Variants in NEK10 observed in about 807,000 individuals in gnomAD.
NEK10 encodes the protein serine/threonine-protein kinase Nek10.
NEK10 carries 122 observed loss-of-function variants against 159.8 expected under a neutral mutation model. That is an observed-to-expected ratio of 0.76 (90% CI 0.66 to 0.89). The LOEUF is 0.89. Ranked by LOEUF, NEK10 falls within the 40% of genes least tolerant of loss-of-function variation. The pLI is 0.00. For missense variants in NEK10, 1,342 were observed against 1,323.1 expected, an observed-to-expected ratio of 1.01 and a Z score of -0.22; for synonymous variants, 466 against 457.1, an observed-to-expected ratio of 1.02 and a Z score of -0.25.
At chr3:27,151,101 T>C (rs1307920185) in intron 30 of NEK10, among the ~76,000 whole-genome samples, 1 of 151,896 alleles carries the variant, frequency 6.6e-6, no homozygotes, top group African/African-American at 2.4e-5. Context: ...GGACGTATAA[T>C]CTTGGGAGTT....
At chr3:27,259,870 T>C (rs529761086) in intron 22 of NEK10, among the ~76,000 whole-genome samples, 122 of 152,304 alleles carry the variant, frequency 8.0e-4, no homozygotes, top group Non-Finnish European at 1.6e-3. Context: ...GTTCTTCCAT[T>C]TGTTTGTATC....
intron 5 of NEK10, among the ~76,000 whole-genome samples, chr3:27,335,574 C>T (rs1394152480): frequency 6.6e-6 from 1 of 152,122 alleles, no homozygotes; most frequent in African/African-American, 2.4e-5. Flanking sequence ...TTCTTCTCCT[C>T]AGTACATAGA....
intron 22 of NEK10, among the ~76,000 whole-genome samples, chr3:27,266,746 G>T (rs936890008): frequency 1.3e-5 from 2 of 152,204 alleles, no homozygotes; most frequent in Admixed American, 6.5e-5. Context: ...TTGATGTAAA[G>T]CTTTGTCAGT....
At chr3:27,213,290 G>C (rs996963791) in intron 23 of NEK10, among the ~76,000 whole-genome samples, 3 of 152,158 alleles carry the variant, frequency 2.0e-5, no homozygotes, top group African/African-American at 4.8e-5. Context: ...ACAGAGTAGG[G>C]GGAATAAAGA....
At chr3:27,170,787 C>T (rs182648187) in intron 29 of NEK10, among the ~76,000 whole-genome samples, 18 of 152,214 alleles carry the variant, frequency 1.2e-4, no homozygotes, top group Admixed American at 2.0e-4. Flanking sequence ...CTGCCTTTCC[C>T]TATTTCACTA....
intron 22 of NEK10, among the ~76,000 whole-genome samples, chr3:27,265,868 G>A (rs538539270): frequency 1.9e-4 from 28 of 147,664 alleles, no homozygotes; most frequent in African/African-American, 6.1e-4. Context: ...GTGCAGTGGC[G>A]CAATCTCGGC....
chr3:27,316,977 C>T (rs1006846726), intron 6 of NEK10, among the ~76,000 whole-genome samples: 4 of 152,178 alleles, frequency 2.6e-5, no homozygotes, highest in Non-Finnish European at 5.9e-5. Flanking sequence ...CTAACCAAAG[C>T]ACACTTCGTT....
intron 25 of NEK10, among the ~76,000 whole-genome samples, chr3:27,196,191 T>A (rs903164238): frequency 1.3e-5 from 2 of 152,300 alleles, no homozygotes; most frequent in Admixed American, 6.5e-5. Context: ...AAAATCCCTG[T>A]CCTGTTCTGC....
chr3:27,282,735 T>A (rs899929909), intron 22 of NEK10, among the ~76,000 whole-genome samples: 1 of 146,390 alleles, frequency 6.8e-6, no homozygotes, highest in African/African-American at 2.5e-5. Flanking sequence ...GTTATATATA[T>A]ACATAACTGT....
chr3:27,350,087 G>A (rs2047859606), intron 3 of NEK10, among the ~76,000 whole-genome samples: 1 of 152,144 alleles, frequency 6.6e-6, no homozygotes, highest in Non-Finnish European at 1.5e-5. Flanking sequence ...ACCTGAATTT[G>A]GCCAGCCTGG....
chr3:27,318,006 T>C (rs1029733698), intron 6 of NEK10, among the ~76,000 whole-genome samples: 1 of 152,124 alleles, frequency 6.6e-6, no homozygotes, highest in Non-Finnish European at 1.5e-5. Flanking sequence ...GGTTTCACCG[T>C]GTTAGCCAGG....
At chr3:27,185,266 C>CT (rs1948506867) in intron 26 of NEK10, among the ~76,000 whole-genome samples, 2 of 152,166 alleles carry the variant, frequency 1.3e-5, no homozygotes, top group South Asian at 4.1e-4. Context: ...TCATAGGAAT[C>CT]TTTTTTTAGA....
intron 23 of NEK10, chr3:27,252,198 G>C (rs966532312): frequency 2.0e-6 from 1 of 504,094 alleles, no homozygotes; most frequent in Non-Finnish European, 4.0e-6. Flanking sequence ...GCCAATTCAA[G>C]TACAACATAA....
chr3:27,201,637 T>C, intron 24 of NEK10, 57 bp from the exon 25 acceptor site: 3 of 1,251,880 alleles, frequency 2.4e-6, no homozygotes, highest in Non-Finnish European at 3.5e-6. Context: ...TGTCTTTGAA[T>C]AGTTAATACT....
At chr3:27,243,906 G>T (rs1954812425) in intron 23 of NEK10, among the ~76,000 whole-genome samples, 1 of 151,750 alleles carries the variant, frequency 6.6e-6, no homozygotes, top group South Asian at 2.1e-4. Context: ...TTCTTCTAGT[G>T]GTAAAGAACT....
chr3:27,153,092 G>A (rs1458562897), intron 30 of NEK10, among the ~76,000 whole-genome samples: 3 of 152,152 alleles, frequency 2.0e-5, no homozygotes, highest in South Asian at 2.1e-4. Context: ...GAGGCCAAGT[G>A]GGCAGATCAT....
intron 14 of NEK10, 125 bp from the exon 15 acceptor site, chr3:27,295,815 G>T: frequency 8.0e-7 from 1 of 1,248,432 alleles, no homozygotes; most frequent in Non-Finnish European, 1.0e-6. Flanking sequence ...TATGGACCTT[G>T]AAGTAAACAT....
chr3:27,337,000 G>C (rs2046845549), intron 5 of NEK10, among the ~76,000 whole-genome samples: 1 of 150,472 alleles, frequency 6.6e-6, no homozygotes, highest in Admixed American at 6.6e-5. Flanking sequence ...AATAAGTCAA[G>C]ACAAAGAAAT....
At chr3:27,307,469 T>G (rs1575675316) in intron 11 of NEK10, among the ~76,000 whole-genome samples, 1 of 152,344 alleles carries the variant, frequency 6.6e-6, no homozygotes, top group East Asian at 1.9e-4. Flanking sequence ...CTATCTTATT[T>G]TACTTGCCTT....
Sources: gnomAD v4.1 joint callset for allele counts (sites outside exome capture counted in the v4.1 genomes callset) on GRCh38, gnomAD v4.1.1 for gene constraint, MANE v1.5 for transcripts, NCBI Gene and HGNC (gene_info 2026-07-23, HGNC 2026-07-21) for gene names.